Variants in STARD9 observed in about 807,000 individuals in gnomAD.
STARD9 encodes the protein StAR related lipid transfer domain containing 9.
STARD9 carries 346 observed loss-of-function variants against 399.8 expected under a neutral mutation model. That is an observed-to-expected ratio of 0.87 (90% CI 0.79 to 0.95). STARD9 has a LOEUF of 0.95. Among genes scored for constraint, STARD9 ranks in the 40% least tolerant of loss-of-function variants. The pLI, the probability that STARD9 is intolerant of heterozygous loss-of-function variation, is 0.00. For synonymous variants in STARD9, 2,203 were observed against 2,143.5 expected (o/e 1.03, Z -0.77); for missense variants, 5,832 against 5,667.5 (o/e 1.03, Z -0.93).
intron 15 of STARD9, among the ~76,000 whole-genome samples, chr15:42,667,881 G>A (rs1387964763): frequency 6.6e-6 from 1 of 152,140 alleles, no homozygotes; most frequent in African/African-American, 2.4e-5. Context: ...TTAACATTTT[G>A]TCACCCTTAG....
In STARD9 at chr15:42,693,114, T is replaced by C; in HGVS notation, c.11536T>C (p.Ser3846Pro). The stretch of plus-strand genomic sequence containing the variant: ...TTCTGATGCTTTCCTGCCTCCCAGC[T>C]CCCAGCCAGAGGAGTCATATTGCTT... ...SVSDAFLPPS[S>P]QPEESYCLVV... Residue 3846 changes from serine to proline, a missense_variant, in exon 23 of 33, where the codon TCC (serine) becomes CCC (proline). By Grantham distance (74) the Ser-to-Pro change is moderately conservative (BLOSUM62 -1). Transcript: ENST00000290607. 6.5e-7 allele frequency: 1 copy of C among 1,537,102 alleles called. No homozygotes were observed. The highest frequency in any genetic ancestry group is 8.7e-7 in the Non-Finnish European group (1 of 1,146,882).
rs1243033275 is a variant in STARD9, at chr15:42,602,342, G to A, written c.234+16705G>A. Among the ~76,000 whole-genome samples the A allele has an allele frequency of 3.9e-5, 6 of 152,286 alleles. No individual in the cohort carries two copies. The East Asian group carries it at 1.2e-3, about 29-fold the overall frequency. Reference sequence around the variant, plus strand: ...GCAGGTTTTGATATACCTGGCTAAGGTATGGTATGTTCAAGGTAGAGGGGT... The same window carrying A: ...GCAGGTTTTGATATACCTGGCTAAGATATGGTATGTTCAAGGTAGAGGGGT... On this transcript the variant is annotated intron_variant, in intron 3 of 32. Coordinates refer to ENST00000290607, the MANE Select transcript of STARD9 (RefSeq NM_020759.3).
intron 22 of STARD9, among the ~76,000 whole-genome samples, chr15:42,683,404 A>G (rs563516252): frequency 1.3e-5 from 2 of 152,342 alleles, no homozygotes; most frequent in Admixed American, 1.3e-4. Context: ...AGTTTTTTAA[A>G]GCAATTTCTA....
rs1595574546 is a variant in STARD9, at chr15:42,581,501, G to C, written c.48-1845G>C. On this transcript the variant is annotated intron_variant, in intron 1 of 32. Coordinates refer to ENST00000290607, the MANE Select transcript of STARD9 (RefSeq NM_020759.3). ...CGGAGGAGGACATGGCTGTGGACGC[G>C]GGCTCTGGGCTTTGTGTGGCGGGTA... 1.4e-5 allele frequency: 21 copies of C among 1,473,316 alleles called. No homozygotes were observed. In the African/African-American group the frequency reaches 1.7e-4, roughly 12 times the overall value. 91.3% of individuals were successfully genotyped at this position (1,473,316 alleles called of 1,614,324 possible).
intron 7 of STARD9, among the ~76,000 whole-genome samples, chr15:42,647,608 G>A (rs1261625229): frequency 6.6e-6 from 1 of 151,778 alleles, no homozygotes; most frequent in African/African-American, 2.4e-5. Flanking sequence ...TTTACTTTCA[G>A]TTTTCTATGT....
chr15:42,617,134 C>T (rs562391196), intron 3 of STARD9, among the ~76,000 whole-genome samples: 7 of 152,114 alleles, frequency 4.6e-5, no homozygotes, highest in African/African-American at 1.7e-4. Context: ...ACAGTAAGAG[C>T]CGTGCCCAGC....
At chr15:42,641,986 C>G (rs2059547947) in intron 7 of STARD9, among the ~76,000 whole-genome samples, 1 of 152,112 alleles carries the variant, frequency 6.6e-6, no homozygotes, top group Non-Finnish European at 1.5e-5. Context: ...TCACACTGAA[C>G]TATGTTATTC....
intron 3 of STARD9, 34 bp from the exon 4 acceptor site, chr15:42,634,822 C>A: frequency 9.2e-7 from 1 of 1,088,248 alleles, no homozygotes; most frequent in Non-Finnish European, 1.3e-6. Context: ...GAAGAAGGAC[C>A]ACAGTGATAT....
chr15:42,705,052 CTT>C (rs1235034278), intron 26 of STARD9, among the ~76,000 whole-genome samples: 1 of 152,184 alleles, frequency 6.6e-6, no homozygotes, highest in Non-Finnish European at 1.5e-5. Flanking sequence ...GGTCCACAAT[CTT>C]TGTCCGTGGG....
chr15:42,690,098 T>G lies in STARD9; in HGVS notation c.8520T>G (p.Ala2840=). 1.3e-6 allele frequency: 2 copies of G among 1,537,738 alleles called. No individual in the cohort carries two copies. Among genetic ancestry groups the G allele is most frequent in the Non-Finnish European group, 1.7e-6 (2 of 1,147,030 alleles). ...AAGACCATGTCCAATGCCCTGAGGCTTCTACTGGCTTTGAAGAAGGTAGGG... is the reference window on the plus strand; with the variant it reads ...AAGACCATGTCCAATGCCCTGAGGCGTCTACTGGCTTTGAAGAAGGTAGGG... ...PKQDHVQCPE[A]STGFEEGRAS... is the part of the protein sequence containing the mutation. The change falls in exon 23 of 33, where the codon GCT becomes GCG. Residue 2840 remains alanine (A), a synonymous_variant. Coordinates refer to ENST00000290607, the MANE Select transcript of STARD9 (RefSeq NM_020759.3).
intron 20 of STARD9, among the ~76,000 whole-genome samples, chr15:42,677,090 A>T (rs1369625394): frequency 4.2e-5 from 3 of 72,036 alleles, no homozygotes; most frequent in Non-Finnish European, 7.7e-5. Flanking sequence ...GTCTCTACTT[A>T]AAAAAAAAAA....
At chr15:42,617,369 T>C (rs1404602128) in intron 3 of STARD9, among the ~76,000 whole-genome samples, 1 of 152,168 alleles carries the variant, frequency 6.6e-6, no homozygotes, top group Admixed American at 6.6e-5. Flanking sequence ...ATAATAATTT[T>C]TTTTTCTTTG....
chr15:42,581,155 C>T, intron 1 of STARD9: 1 of 752,606 alleles, frequency 1.3e-6, no homozygotes, highest in South Asian at 1.4e-5. Context: ...GAGCATCACC[C>T]CCCAGCTGCA....
intron 12 of STARD9, 68 bp from the exon 13 acceptor site, chr15:42,663,752 C>A: frequency 8.4e-7 from 1 of 1,197,408 alleles, no homozygotes; most frequent in Non-Finnish European, 1.2e-6. Context: ...GCAGTAGTAA[C>A]AAGGCAAGTG....
chr15:42,603,224 A>C (rs751013757), intron 3 of STARD9, among the ~76,000 whole-genome samples: 1 of 152,012 alleles, frequency 6.6e-6, no homozygotes, highest in Non-Finnish European at 1.5e-5. Flanking sequence ...CCTAGGCTGG[A>C]GTGCAGCCTG....
intron 3 of STARD9, among the ~76,000 whole-genome samples, chr15:42,633,971 G>T (rs2059377356): frequency 6.6e-6 from 1 of 152,030 alleles, no homozygotes; most frequent in African/African-American, 2.4e-5. Flanking sequence ...ATGTGCTAGT[G>T]TTGTCCTAGA....
chr15:42,606,506 A>C (rs775678373), intron 3 of STARD9, among the ~76,000 whole-genome samples: 5 of 152,050 alleles, frequency 3.3e-5, no homozygotes, highest in Non-Finnish European at 7.4e-5. Context: ...CCCAGGCTGG[A>C]GTGCAGTGGT....
chr15:42,637,815 A>G (rs1026834784), intron 4 of STARD9, 92 bp from the exon 5 acceptor site: 57 of 1,329,514 alleles, frequency 4.3e-5, no homozygotes, highest in Admixed American at 2.0e-4. Flanking sequence ...CCATGCACTC[A>G]TCCCCCATGC....
At chr15:42,613,740 G>C (rs2058901262) in intron 3 of STARD9, among the ~76,000 whole-genome samples, 1 of 151,720 alleles carries the variant, frequency 6.6e-6, no homozygotes, top group Non-Finnish European at 1.5e-5. Flanking sequence ...TGAGGCGGGT[G>C]GATCATCTGA....
Sources: allele counts gnomAD v4.1 joint callset (sites outside exome capture counted in the v4.1 genomes callset), GRCh38; gene constraint gnomAD v4.1.1; transcripts MANE v1.5; gene names NCBI Gene and HGNC (gene_info 2026-07-23, HGNC 2026-07-21).